Variants in ERG observed in about 807,000 individuals in gnomAD.
ERG encodes transcriptional regulator ERG.
A neutral mutation model predicts 55.3 loss-of-function variants in ERG; 9 were observed. The observed-to-expected ratio is 0.16, with a 90% CI of 0.10 to 0.28. ERG has a LOEUF of 0.28. Among genes scored for constraint, ERG ranks in the 10% least tolerant of loss-of-function variants. The probability of loss-of-function intolerance (pLI) is 1.00; values close to 1 mark genes in which losing one functional copy is unlikely to be tolerated. For synonymous variants in ERG, 223 were observed against 237.3 expected, an observed-to-expected ratio of 0.94 and a Z score of 0.55; for missense variants, 434 against 631.6, an observed-to-expected ratio of 0.69 and a Z score of 3.35.
At chr21:38,611,298 C>T (rs948461359) in intron 1 of ERG, among the ~76,000 whole-genome samples, 6 of 152,134 alleles carry the variant, frequency 3.9e-5, no homozygotes, top group Non-Finnish European at 7.4e-5. Context: ...CAAGATCTCC[C>T]GAAAACATCC....
At chr21:38,637,233 T>C (rs1289783780) in intron 1 of ERG, among the ~76,000 whole-genome samples, 1 of 152,140 alleles carries the variant, frequency 6.6e-6, no homozygotes, top group Non-Finnish European at 1.5e-5. Flanking sequence ...ATGTGTGTCA[T>C]TTTGTGTTTC....
At chr21:38,576,751 G>A (rs919043147) in intron 1 of ERG, among the ~76,000 whole-genome samples, 4 of 152,108 alleles carry the variant, frequency 2.6e-5, no homozygotes, top group African/African-American at 9.7e-5. Context: ...CCCCTCTGGA[G>A]AGCAGGGGTG....
At chr21:38,526,935 A>C (rs1385629883) in intron 2 of ERG, among the ~76,000 whole-genome samples, 1 of 152,224 alleles carries the variant, frequency 6.6e-6, no homozygotes, top group East Asian at 1.9e-4. Flanking sequence ...GCAATTAAGA[A>C]AAATCCCAGT....
intron 2 of ERG, among the ~76,000 whole-genome samples, chr21:38,541,092 A>G (rs2836491): frequency 0.19 from 28,629 of 152,140 alleles, 3,032 homozygotes; most frequent in African/African-American, 0.29. Context: ...GCACTGTGGT[A>G]CGTCTATCTG....
At chr21:38,605,303 T>C (rs548339495) in intron 1 of ERG, among the ~76,000 whole-genome samples, 1 of 152,334 alleles carries the variant, frequency 6.6e-6, no homozygotes, top group South Asian at 2.1e-4. Context: ...CCTCACTGAA[T>C]GCCCATGCTG....
At chr21:38,605,035 G>A (rs1195647349) in intron 1 of ERG, among the ~76,000 whole-genome samples, 1 of 152,114 alleles carries the variant, frequency 6.6e-6, no homozygotes, top group African/African-American at 2.4e-5. Context: ...TTCTCCATCT[G>A]TCCTCTCTTC....
rs1987506428 is a variant in ERG at position 38,382,739 on chromosome 21, T to C, written c.*664A>G. 9.4e-7 allele frequency: 1 copy of C among 1,066,178 alleles called. No homozygotes were observed. The highest frequency in any genetic ancestry group is 1.6e-5 in the African/African-American group (1 of 61,078). 66.0% of individuals were successfully genotyped at this position (1,066,178 alleles called of 1,614,324 possible). A position where few individuals can be genotyped will look rare whatever the true frequency, so the allele number is the denominator to read the frequency against. On this transcript the variant is annotated 3_prime_UTR_variant, in exon 10 of 10. Coordinates refer to ENST00000288319, the MANE Select transcript of ERG (RefSeq NM_182918.4). Reference sequence around the variant, plus strand: ...CAATCACACGCTCACTCTATACACATCCTCAGTCCCACCTTTTAGTTCATA... The same window carrying C: ...CAATCACACGCTCACTCTATACACACCCTCAGTCCCACCTTTTAGTTCATA...
rs376043930 is a variant in ERG, at chr21:38,571,504, A to G, written c.-41+4158T>C. 2.3e-4 allele frequency among the ~76,000 whole-genome samples: 35 copies of G among 152,012 alleles called. No individual in the cohort carries two copies. In the East Asian group the frequency reaches 5.0e-3, roughly 22 times the overall value. On this transcript the variant is annotated intron_variant, in intron 2 of 8. Transcript: ENST00000398897. ...CCAGCCTGGGCAACAGAGCAAGACT[A>G]TGTCTTAAAAAAAATAAATAAAAAT...
intron 1 of ERG, among the ~76,000 whole-genome samples, chr21:38,459,413 T>C (rs1381594505): frequency 6.6e-6 from 1 of 152,240 alleles, no homozygotes; most frequent in Non-Finnish European, 1.5e-5. Flanking sequence ...TGATTCCCTG[T>C]CTATATCCTC....
intron 1 of ERG, among the ~76,000 whole-genome samples, chr21:38,462,748 C>G (rs768965183): frequency 6.6e-5 from 10 of 152,100 alleles, no homozygotes; most frequent in Non-Finnish European, 8.8e-5. Context: ...CGAGTGCTGC[C>G]CCAGGGCTCT....
chr21:38,512,392 G>A (rs997259921), intron 2 of ERG, among the ~76,000 whole-genome samples: 4 of 152,256 alleles, frequency 2.6e-5, no homozygotes, highest in Admixed American at 6.5e-5. Context: ...CTTTGTCTCC[G>A]CAATTGATAT....
chr21:38,457,231 T>C (rs2058998479), intron 1 of ERG, among the ~76,000 whole-genome samples: 1 of 152,080 alleles, frequency 6.6e-6, no homozygotes, highest in African/African-American at 2.4e-5. Context: ...GGTCAGGAGA[T>C]GGAAAACATC....
intron 5 of ERG, among the ~76,000 whole-genome samples, chr21:38,401,123 C>T (rs888066062): frequency 6.6e-6 from 1 of 152,072 alleles, no homozygotes; most frequent in Non-Finnish European, 1.5e-5. Flanking sequence ...TGCATTTTCC[C>T]TCTCTCTCTT....
intron 2 of ERG, among the ~76,000 whole-genome samples, chr21:38,536,540 T>C (rs2059711906): frequency 6.6e-6 from 1 of 152,172 alleles, no homozygotes; most frequent in Non-Finnish European, 1.5e-5. Flanking sequence ...AAGCAACTGT[T>C]TGCACAGCTG....
chr21:38,566,786 T>C (rs987772018), intron 2 of ERG, among the ~76,000 whole-genome samples: 2 of 152,212 alleles, frequency 1.3e-5, no homozygotes, highest in African/African-American at 4.8e-5. Flanking sequence ...AACTATCAAT[T>C]ATCTGAGCAA....
intron 2 of ERG, among the ~76,000 whole-genome samples, chr21:38,551,430 G>A (rs996238550): frequency 6.6e-6 from 1 of 151,996 alleles, no homozygotes; most frequent in Non-Finnish European, 1.5e-5. Flanking sequence ...GTTCCTCCAG[G>A]TGTGACATTA....
At chr21:38,593,553 C>T (rs1375214288) in intron 1 of ERG, among the ~76,000 whole-genome samples, 1 of 152,010 alleles carries the variant, frequency 6.6e-6, no homozygotes, top group Non-Finnish European at 1.5e-5. Flanking sequence ...GATATAATTA[C>T]AAGGTCAAAT....
intron 2 of ERG, among the ~76,000 whole-genome samples, chr21:38,435,661 G>A (rs572514282): frequency 7.9e-5 from 12 of 152,308 alleles, no homozygotes; most frequent in African/African-American, 2.6e-4. Flanking sequence ...TCCCCTTAAA[G>A]GGGCTCGATG....
the ERG span, among the ~76,000 whole-genome samples, chr21:38,368,022 A>C: frequency 6.6e-6 from 1 of 152,184 alleles, no homozygotes; most frequent in South Asian, 2.1e-4. Flanking sequence ...ATATTATTTA[A>C]AAAATAACTA....
Sources: gnomAD v4.1 joint callset for allele counts (sites outside exome capture counted in the v4.1 genomes callset) on GRCh38, gnomAD v4.1.1 for gene constraint, MANE v1.5 for transcripts, NCBI Gene and HGNC (gene_info 2026-07-23, HGNC 2026-07-21) for gene names.